The following AHCY variants were observed in gnomAD, a reference collection of about 807,000 sequenced individuals.
The protein encoded by AHCY is S-adenosyl-L-homocysteine hydrolase.
A neutral mutation model predicts 45.4 loss-of-function variants in AHCY; 24 were observed. The observed-to-expected ratio is 0.53, with a 90% CI of 0.38 to 0.74. The LOEUF (loss-of-function observed/expected upper bound fraction) is 0.74, where lower values mean the gene tolerates loss of function less well. Among genes scored for constraint, AHCY ranks in the 30% least tolerant of loss-of-function variants. The pLI is 0.00. For synonymous variants in AHCY, 245 were observed against 235.1 expected, an observed-to-expected ratio of 1.04 and a Z score of -0.39; for missense variants, 449 against 594.1, an observed-to-expected ratio of 0.76 and a Z score of 2.54.
chr20:34,290,711 C>A lies in AHCY; in HGVS notation c.766+20G>T. On this transcript the variant is annotated intron_variant, in intron 6 of 9. Transcript: ENST00000217426. This position sits in a 1 kb window ranked among gnomAD's most constrained non-coding sequence, Gnocchi z 4.5. ...CCCTCTGGCCCCAGTGGCTGACAAC[C>A]AACCCTTGCCCTATCCTACCCTCCA... The A allele has an allele frequency of 6.2e-7, 1 of 1,613,776 alleles. No individual in the cohort carries two copies. Among genetic ancestry groups the A allele is most frequent in the Non-Finnish European group, 8.5e-7 (1 of 1,179,968 alleles).
upstream of AHCY, among the ~76,000 whole-genome samples, chr20:34,303,979 A>G (rs2036862890): frequency 6.6e-6 from 1 of 152,230 alleles, no homozygotes. Context: ...AGCCTGGGCG[A>G]AAGGGCAAGA....
upstream of AHCY, among the ~76,000 whole-genome samples, chr20:34,305,362 A>G (rs1273843494): frequency 2.6e-5 from 4 of 152,058 alleles, no homozygotes; most frequent in Admixed American, 2.6e-4. Flanking sequence ...AAGGTCTTCT[A>G]TGACATAGTA....
rs1245913372 is a variant in AHCY, at chr20:34,290,029, A to G, written c.972+303T>C. Among the ~76,000 whole-genome samples, 1 of 152,106 alleles carries G rather than the reference A, an allele frequency of 6.6e-6. No homozygotes were observed. The highest frequency in any genetic ancestry group is 1.5e-5 in the Non-Finnish European group (1 of 68,006). On this transcript the variant is annotated intron_variant, in intron 8 of 9. Transcript: ENST00000217426. This position sits in a 1 kb window ranked among gnomAD's most constrained non-coding sequence, Gnocchi z 4.5. ...CATCATCCCCTGCAGGGATTCTACGAGCCTCCTCTAAAAGCCTCTCTCCCC... is the reference window on the plus strand; with the variant it reads ...CATCATCCCCTGCAGGGATTCTACGGGCCTCCTCTAAAAGCCTCTCTCCCC...
At chr20:34,284,925 C>T (rs969118412) in intron 9 of AHCY, among the ~76,000 whole-genome samples, 1 of 152,110 alleles carries the variant, frequency 6.6e-6, no homozygotes, top group Non-Finnish European at 1.5e-5. Context: ...AGGTTAGAAG[C>T]CCTGGTCAGA....
the AHCY span, among the ~76,000 whole-genome samples, chr20:34,256,330 G>A: frequency 6.6e-6 from 1 of 152,098 alleles, no homozygotes; most frequent in African/African-American, 2.4e-5. Flanking sequence ...TGCCTTGGTG[G>A]TAGTGGTCCC....
the AHCY span, among the ~76,000 whole-genome samples, chr20:34,237,564 C>T: frequency 6.6e-6 from 1 of 152,256 alleles, no homozygotes; most frequent in South Asian, 2.1e-4. Context: ...AATCTTTAGG[C>T]TTTTCTACAT....
chr20:34,243,916 T>A, the AHCY span, among the ~76,000 whole-genome samples: 6 of 151,912 alleles, frequency 3.9e-5, no homozygotes, highest in Non-Finnish European at 7.4e-5. Flanking sequence ...TACAAAAAAA[T>A]TAACCGGGCG....
chr20:34,257,067 TC>T, the AHCY span, among the ~76,000 whole-genome samples: 1 of 87,624 alleles, frequency 1.1e-5, no homozygotes. Flanking sequence ...TCTCTTTCTT[TC>T]TCTTTTTTTT....
chr20:34,258,897 A>AGT, the AHCY span, among the ~76,000 whole-genome samples: 39 of 133,528 alleles, frequency 2.9e-4, no homozygotes, highest in East Asian at 7.9e-3. Context: ...TTATATATAT[A>AGT]GTGTATATAT....
At chr20:34,258,346 CT>C in the AHCY span, among the ~76,000 whole-genome samples, 1,551 of 138,200 alleles carry the variant, frequency 0.011, 22 homozygotes, top group African/African-American at 0.032. Flanking sequence ...GTTGGATATT[CT>C]TTTTTTTTTT....
At chr20:34,246,026 T>C in the AHCY span, 1 of 976,492 alleles carries the variant, frequency 1.0e-6, no homozygotes, top group Non-Finnish European at 1.6e-6. Flanking sequence ...ATGACATGAA[T>C]TATGTCATCT....
At chr20:34,303,363 C>G (rs1156996238), upstream of AHCY, 4 of 1,523,820 alleles carry the variant, frequency 2.6e-6, no homozygotes, top group African/African-American at 1.4e-5. Flanking sequence ...GGGATATGCG[C>G]GTGGCGCCGA....
the AHCY span, among the ~76,000 whole-genome samples, chr20:34,252,676 C>T: frequency 1.3e-5 from 2 of 152,278 alleles, no homozygotes; most frequent in East Asian, 1.9e-4. Flanking sequence ...TCACTACTCC[C>T]CCTCAGCACA....
At chr20:34,302,756 G>C in intron 1 of AHCY, 2 of 991,388 alleles carry the variant, frequency 2.0e-6, no homozygotes, top group Non-Finnish European at 2.4e-6. Context: ...AGGAGGATCG[G>C]AGCCGGCCTG....
In AHCY at chr20:34,285,600, A is replaced by C. The variant is rs2036151312; in HGVS notation, c.1007T>G (p.Ile336Ser). 2 of 1,613,900 alleles carry C rather than the reference A, an allele frequency of 1.2e-6. No homozygotes were observed. The highest frequency in any genetic ancestry group is 1.7e-5 in the Admixed American group (1 of 59,982). ...DRYRLKNGRRIILLAEGRLVN... is the reference protein window; with the variant it reads ...DRYRLKNGRRSILLAEGRLVN... Reference sequence around the variant, plus strand: ...CAGCCGACCCTCGGCCAGCAGGATGATGCGGCGCCCATTCTTCAACCGATA... The same window carrying C: ...CAGCCGACCCTCGGCCAGCAGGATGCTGCGGCGCCCATTCTTCAACCGATA... The change falls in exon 9 of 10, where the codon ATC becomes AGC. Residue 336 changes from isoleucine (I) to serine (S), a missense_variant. By Grantham distance (142) the Ile-to-Ser change is moderately radical. Transcript: ENST00000217426.
chr20:34,233,323 A>G, the AHCY span, among the ~76,000 whole-genome samples: 1 of 151,596 alleles, frequency 6.6e-6, no homozygotes, highest in Admixed American at 6.6e-5. Context: ...AATTTTTTGT[A>G]TTTTTAGTAG....
At chr20:34,250,532 T>C in the AHCY span, among the ~76,000 whole-genome samples, 1 of 152,026 alleles carries the variant, frequency 6.6e-6, no homozygotes, top group African/African-American at 2.4e-5. Context: ...GCACGGTGGC[T>C]CACACCTGTA....
At chr20:34,243,281 G>A in the AHCY span, among the ~76,000 whole-genome samples, 1 of 152,158 alleles carries the variant, frequency 6.6e-6, no homozygotes, top group African/African-American at 2.4e-5. Context: ...TCTCAAAGAA[G>A]AGTTCTGAAG....
the AHCY span, among the ~76,000 whole-genome samples, chr20:34,234,305 C>G: frequency 2.0e-5 from 3 of 152,094 alleles, no homozygotes; most frequent in African/African-American, 7.2e-5. Context: ...CAGACAAGAC[C>G]ACTAGTGCCT....
Sources: allele counts gnomAD v4.1 joint callset (sites outside exome capture counted in the v4.1 genomes callset), GRCh38; gene constraint gnomAD v4.1.1; non-coding constraint Gnocchi (gnomAD v3.1); transcripts MANE v1.5; gene names NCBI Gene and HGNC (gene_info 2026-07-23, HGNC 2026-07-21).